AGBL1: variants seen among roughly 807,000 people sequenced by gnomAD.
The protein encoded by AGBL1 is AGBL carboxypeptidase 1, also known as cytosolic carboxypeptidase 4.
Under a neutral mutation model 118.9 loss-of-function variants are expected in AGBL1, and 130 were observed. The observed-to-expected ratio is 1.09, with a 90% CI of 0.95 to 1.26. The LOEUF is 1.26. AGBL1 is among the 50% of genes most tolerant of loss of function. The pLI, the probability that AGBL1 is intolerant of heterozygous loss-of-function variation, is 0.00. For missense variants in AGBL1, 1,584 were observed against 1,298.1 expected (o/e 1.22, Z -3.38); for synonymous variants, 555 against 478.9 (o/e 1.16, Z -2.08).
At chr15:86,734,120 C>G (rs1329418947) in intron 22 of AGBL1, among the ~76,000 whole-genome samples, 1 of 152,128 alleles carries the variant, frequency 6.6e-6, no homozygotes, top group African/African-American at 2.4e-5. Context: ...TTCAAATGAT[C>G]AGGCTATAAG....
At chr15:86,552,124 T>C (rs922824252) in intron 20 of AGBL1, among the ~76,000 whole-genome samples, 2 of 152,148 alleles carry the variant, frequency 1.3e-5, no homozygotes, top group African/African-American at 2.4e-5. Flanking sequence ...AGAATCCTCA[T>C]GTAAACTATA....
intron 22 of AGBL1, among the ~76,000 whole-genome samples, chr15:86,866,746 C>T (rs552162536): frequency 2.1e-4 from 32 of 152,204 alleles, no homozygotes; most frequent in South Asian, 1.0e-3. Flanking sequence ...CCCAGCTACT[C>T]AGGGCTGAGG....
At chr15:86,543,705 G>C (rs1187015177) in intron 19 of AGBL1, among the ~76,000 whole-genome samples, 1 of 152,182 alleles carries the variant, frequency 6.6e-6, no homozygotes. Context: ...ATGACAGGGA[G>C]CAGAACCAGG....
intron 24 of AGBL1, among the ~76,000 whole-genome samples, chr15:87,017,496 A>G (rs1304064332): frequency 4.6e-5 from 7 of 152,104 alleles, no homozygotes; most frequent in Admixed American, 4.6e-4. Context: ...TACATGAAAA[A>G]CCAAGGCAAC....
Position 86,992,273 on chromosome 15 carries a change from C to A in AGBL1, c.3323+4185C>A, listed in dbSNP as rs1237882569. Among the ~76,000 whole-genome samples the A allele has an allele frequency of 2.6e-5, 4 of 152,078 alleles. No homozygotes were observed. The East Asian group carries it at 7.7e-4, about 29-fold the overall frequency. On this transcript the variant is annotated intron_variant, in intron 24 of 24. Transcript: ENST00000441037. ...CCAAGCCATTCATGAGGAATCTGCCCCCATGACAAAAACGCCTCCCACCCG... is the reference window on the plus strand; with the variant it reads ...CCAAGCCATTCATGAGGAATCTGCCACCATGACAAAAACGCCTCCCACCCG...
chr15:86,768,378 G>T (rs143264082), intron 22 of AGBL1, among the ~76,000 whole-genome samples: 1 of 151,864 alleles, frequency 6.6e-6, no homozygotes, highest in Non-Finnish European at 1.5e-5. Flanking sequence ...GCTATAGCCC[G>T]CAAGCATGAT....
intron 21 of AGBL1, among the ~76,000 whole-genome samples, chr15:86,566,433 A>G (rs927301057): frequency 6.6e-6 from 1 of 152,178 alleles, no homozygotes; most frequent in Non-Finnish European, 1.5e-5. Context: ...TAGAGTATAC[A>G]AAGAGGGCTG....
chr15:86,533,602 C>T (rs1182585886), intron 19 of AGBL1, among the ~76,000 whole-genome samples: 1 of 138,808 alleles, frequency 7.2e-6, no homozygotes, highest in Non-Finnish European at 1.5e-5. Context: ...CCCAGCCATC[C>T]CATTACTGGG....
At chr15:86,805,982 G>A (rs1436615976) in intron 22 of AGBL1, among the ~76,000 whole-genome samples, 1 of 152,024 alleles carries the variant, frequency 6.6e-6, no homozygotes, top group South Asian at 2.1e-4. Flanking sequence ...CTGATTTCAG[G>A]GGCTCTTTCC....
chr15:86,514,641 A>G (rs917938753), intron 18 of AGBL1, among the ~76,000 whole-genome samples: 1 of 152,114 alleles, frequency 6.6e-6, no homozygotes, highest in South Asian at 2.1e-4. Context: ...TTGAAATTAG[A>G]CAAAAATATA....
chr15:86,997,636 T>C (rs527674550), intron 24 of AGBL1, among the ~76,000 whole-genome samples: 5 of 152,116 alleles, frequency 3.3e-5, no homozygotes, highest in East Asian at 1.9e-4. Flanking sequence ...GATTTTATGA[T>C]TGATTGATGT....
intron 17 of AGBL1, among the ~76,000 whole-genome samples, chr15:86,358,042 A>C (rs2080749280): frequency 6.6e-6 from 1 of 152,140 alleles, no homozygotes. Flanking sequence ...GAGAACAATT[A>C]AGATAAACTC....
intron 22 of AGBL1, among the ~76,000 whole-genome samples, chr15:86,789,157 G>T (rs750302511): frequency 1.3e-5 from 2 of 152,236 alleles, no homozygotes; most frequent in African/African-American, 2.4e-5. Context: ...GCCACTGCCT[G>T]CAATGTTTCA....
intron 24 of AGBL1, among the ~76,000 whole-genome samples, chr15:87,015,051 T>G (rs1480815489): frequency 1.3e-5 from 2 of 152,172 alleles, no homozygotes; most frequent in East Asian, 3.9e-4. Flanking sequence ...AACAAACAGG[T>G]GGAAAAGCAT....
chr15:86,882,454 C>T (rs2079908242), intron 22 of AGBL1, among the ~76,000 whole-genome samples: 1 of 152,172 alleles, frequency 6.6e-6, no homozygotes, highest in South Asian at 2.1e-4. Flanking sequence ...AAAAAATTGT[C>T]TGCCAAATCT....
intron 16 of AGBL1, among the ~76,000 whole-genome samples, chr15:86,293,178 T>C (rs2079575339): frequency 6.6e-6 from 1 of 152,238 alleles, no homozygotes; most frequent in South Asian, 2.1e-4. Flanking sequence ...TTTTCCCTTG[T>C]ATGTTAGTTG....
At chr15:86,776,093 C>T (rs2078251666) in intron 22 of AGBL1, among the ~76,000 whole-genome samples, 2 of 152,176 alleles carry the variant, frequency 1.3e-5, no homozygotes, top group Non-Finnish European at 1.5e-5. Flanking sequence ...TCATTTTCCA[C>T]CTCCTCTTGT....
chr15:87,004,474 G>T (rs949567061), intron 24 of AGBL1, among the ~76,000 whole-genome samples: 17 of 151,990 alleles, frequency 1.1e-4, no homozygotes, highest in Non-Finnish European at 1.9e-4. Context: ...ATCTTTATTG[G>T]TTTAAAGTCT....
intron 6 of AGBL1, among the ~76,000 whole-genome samples, chr15:86,241,451 G>A (rs1412191855): frequency 6.6e-6 from 1 of 152,156 alleles, no homozygotes; most frequent in Non-Finnish European, 1.5e-5. Flanking sequence ...AGAACGCTAA[G>A]TGTCCTTCTT....
Sources: allele counts gnomAD v4.1 joint callset (sites outside exome capture counted in the v4.1 genomes callset), GRCh38; gene constraint gnomAD v4.1.1; transcripts MANE v1.5; gene names NCBI Gene and HGNC (gene_info 2026-07-23, HGNC 2026-07-21).